The following FBXO42 variants were observed in gnomAD, a reference collection of about 807,000 sequenced individuals.
FBXO42 encodes F-box protein 42, also known as F-box only protein 42.
A neutral mutation model predicts 71.7 loss-of-function variants in FBXO42; 12 were observed. The observed-to-expected ratio is 0.17, with a 90% CI of 0.11 to 0.27. The LOEUF (loss-of-function observed/expected upper bound fraction) is 0.27. Ranked by LOEUF, FBXO42 falls within the 10% of genes least tolerant of loss-of-function variation. The pLI is 1.00. For missense variants in FBXO42, 707 were observed against 911.9 expected, an observed-to-expected ratio of 0.78 and a Z score of 2.89; for synonymous variants, 325 against 327.5, an observed-to-expected ratio of 0.99 and a Z score of 0.08.
chr1:16,318,112 A>G (rs144486493), intron 1 of FBXO42, among the ~76,000 whole-genome samples: 2 of 152,042 alleles, frequency 1.3e-5, no homozygotes, highest in African/African-American at 4.8e-5. Context: ...ATACTCACGC[A>G]CTTCTCTAAA....
chr1:16,283,741 T>A (rs2081991044), intron 4 of FBXO42, among the ~76,000 whole-genome samples: 1 of 152,052 alleles, frequency 6.6e-6, no homozygotes, highest in African/African-American at 2.4e-5. Flanking sequence ...GTGATCCACC[T>A]GCCTTGGCCT....
intron 4 of FBXO42, chr1:16,292,456 A>C (rs1433503458): frequency 2.0e-5 from 3 of 152,056 alleles, no homozygotes; most frequent in African/African-American, 7.2e-5. Flanking sequence ...ATGCCTGGCT[A>C]ATTTTTTGTT....
chr1:16,352,406 A>G lies in FBXO42; in HGVS notation c.-169T>C, dbSNP rs1435279385. The stretch of plus-strand genomic sequence containing the variant: ...GCTGGCGGGACCCCGAGCCGCCCGG[A>G]GCCGCCATCTTCCTCCACTCAAACG... On this transcript the variant is annotated 5_prime_UTR_variant, in exon 1 of 10. Coordinates refer to ENST00000375592, the MANE Select transcript of FBXO42 (RefSeq NM_018994.3). The G allele has an allele frequency of 2.5e-6, 1 of 399,702 alleles. No individual in the cohort carries two copies. The allele number at this position is 399,702 out of a possible 1,614,324, so 24.8% of individuals were successfully genotyped here.
chr1:16,297,017 C>T (rs1228986826), intron 3 of FBXO42, among the ~76,000 whole-genome samples: 1 of 148,880 alleles, frequency 6.7e-6, no homozygotes, highest in East Asian at 2.0e-4. Context: ...TGGCTCACTG[C>T]AACCTCCACC....
intron 4 of FBXO42, among the ~76,000 whole-genome samples, chr1:16,292,031 C>T (rs2082084276): frequency 6.6e-6 from 1 of 152,138 alleles, no homozygotes; most frequent in Non-Finnish European, 1.5e-5. Context: ...CTCAGGTTTT[C>T]CTCCTTCTAA....
rs910747790 is a variant in FBXO42 at position 16,277,374 on chromosome 1, CTT to C, written c.502+17407_502+17408del. 5.3e-5 allele frequency among the ~76,000 whole-genome samples: 8 copies of C among 151,560 alleles called. No homozygotes were observed. In the East Asian group the frequency reaches 7.7e-4, roughly 15 times the overall value. ...GTGACAAGCACATTAATACATCATT[CTT>C]TTTTTTTCTTTTTTTCTCCTCCCTG... On this transcript the variant is annotated intron_variant, in intron 4 of 9. Transcript: ENST00000375592.
intron 1 of FBXO42, among the ~76,000 whole-genome samples, chr1:16,324,865 G>C (rs1052163704): frequency 6.6e-6 from 1 of 152,040 alleles, no homozygotes; most frequent in African/African-American, 2.4e-5. Context: ...GAATTTCAGA[G>C]AATAAAATTG....
intron 4 of FBXO42, among the ~76,000 whole-genome samples, chr1:16,279,864 T>TTTTTTTTTTTTA (rs2081944086): frequency 3.3e-5 from 5 of 150,564 alleles, no homozygotes; most frequent in Admixed American, 6.6e-5. Flanking sequence ...CTTTTTTTTT[T>TTTTTTTTTTTTA]GAGACAGAGT....
At chr1:16,348,497 G>A (rs2082671973) in intron 1 of FBXO42, among the ~76,000 whole-genome samples, 1 of 152,018 alleles carries the variant, frequency 6.6e-6, no homozygotes, top group African/African-American at 2.4e-5. Context: ...AGGAGTTCGA[G>A]ACCAGCCTGG....
rs1569799282 is a variant in FBXO42, at chr1:16,250,950, G to C, written c.1874C>G (p.Pro625Arg). Residue 625 changes from proline (P) to arginine (R), a missense_variant, in exon 10 of 10, where the codon CCT (proline) becomes CGT (arginine). Physicochemically the swap from Pro to Arg is moderately radical, Grantham distance 103. Coordinates refer to ENST00000375592, the MANE Select transcript of FBXO42 (RefSeq NM_018994.3). This position sits in a 1 kb window ranked among gnomAD's most constrained non-coding sequence, Gnocchi z 4.7. ...PPIARRLGHH[P>R]PQSLNVGKPL... The stretch of plus-strand genomic sequence containing the variant: ...TTTGCCAACATTTAGGGACTGTGGA[G>C]GGTGGTGGCCCAGGCGGCGAGCAAT... 1.2e-6 allele frequency: 2 copies of C among 1,614,194 alleles called. No homozygotes were observed. The highest frequency in any genetic ancestry group is 1.7e-6 in the Non-Finnish European group (2 of 1,180,036).
At chr1:16,333,502 C>A (rs2082522931) in intron 1 of FBXO42, among the ~76,000 whole-genome samples, 1 of 150,518 alleles carries the variant, frequency 6.6e-6, no homozygotes, top group African/African-American at 2.4e-5. Context: ...CCTGTAGTCC[C>A]AGCTATGTGG....
At chr1:16,278,096 C>T (rs945575489) in intron 4 of FBXO42, among the ~76,000 whole-genome samples, 1 of 152,088 alleles carries the variant, frequency 6.6e-6, no homozygotes. Context: ...GTGGCTCATG[C>T]CTGTAATCCC....
intron 4 of FBXO42, among the ~76,000 whole-genome samples, chr1:16,286,773 A>G (rs1203969100): frequency 6.6e-6 from 1 of 152,174 alleles, no homozygotes; most frequent in African/African-American, 2.4e-5. Flanking sequence ...TTGATCACCC[A>G]GTCTTCCCCA....
intron 2 of FBXO42, among the ~76,000 whole-genome samples, chr1:16,314,745 G>A (rs145951997): frequency 0.011 from 1,662 of 152,134 alleles, 31 homozygotes; most frequent in African/African-American, 0.037. Context: ...TCAGCCGGGC[G>A]TGGTGGCAGG....
At chr1:16,262,422 T>G (rs2081724444) in intron 4 of FBXO42, among the ~76,000 whole-genome samples, 1 of 152,168 alleles carries the variant, frequency 6.6e-6, no homozygotes, top group South Asian at 2.1e-4. Flanking sequence ...TATGGTGAGA[T>G]CACATGGGGT....
intron 1 of FBXO42, among the ~76,000 whole-genome samples, chr1:16,330,458 G>C (rs1245682914): frequency 2.0e-5 from 3 of 152,050 alleles, no homozygotes; most frequent in Non-Finnish European, 4.4e-5. Flanking sequence ...AGGGAGCTAT[G>C]GTCTTACCAC....
intron 2 of FBXO42, 43 bp from the exon 3 acceptor site, chr1:16,305,962 T>C (rs2082245618): frequency 9.4e-6 from 12 of 1,282,438 alleles, no homozygotes; most frequent in Non-Finnish European, 1.2e-5. Flanking sequence ...ACACTTAACT[T>C]ATCCATCAAA....
chr1:16,295,619 C>T (rs2082121701), intron 3 of FBXO42, among the ~76,000 whole-genome samples: 1 of 152,152 alleles, frequency 6.6e-6, no homozygotes, highest in African/African-American at 2.4e-5. Flanking sequence ...TCTCGAACTC[C>T]TGACCTCAGG....
intron 4 of FBXO42, among the ~76,000 whole-genome samples, chr1:16,278,131 C>A: frequency 6.6e-6 from 1 of 151,890 alleles, no homozygotes; most frequent in South Asian, 2.1e-4. Flanking sequence ...CCGAGGCGGG[C>A]GGATCACCTG....
Sources: allele counts gnomAD v4.1 joint callset (sites outside exome capture counted in the v4.1 genomes callset), GRCh38; gene constraint gnomAD v4.1.1; non-coding constraint Gnocchi (gnomAD v3.1); transcripts MANE v1.5; gene names NCBI Gene and HGNC (gene_info 2026-07-23, HGNC 2026-07-21).